The following FRS2 variants were observed in gnomAD, a reference collection of about 807,000 sequenced individuals.
The protein encoded by FRS2 is fibroblast growth factor receptor substrate 2.
A neutral mutation model predicts 43.9 loss-of-function variants in FRS2; 8 were observed. That is an observed-to-expected ratio of 0.18 (90% CI 0.11 to 0.33). The LOEUF (loss-of-function observed/expected upper bound fraction) is 0.33. FRS2 is among the 10% of genes least tolerant of loss of function. The pLI, the probability that FRS2 is intolerant of heterozygous loss-of-function variation, is 1.00. For synonymous variants in FRS2, 219 were observed against 220.3 expected (o/e 0.99, Z 0.05); for missense variants, 534 against 627.6 (o/e 0.85, Z 1.59).
At chr12:69,487,674 G>T (rs546721260) in intron 1 of FRS2, among the ~76,000 whole-genome samples, 1 of 152,264 alleles carries the variant, frequency 6.6e-6, no homozygotes, top group South Asian at 2.1e-4. Context: ...TATTGTTTAA[G>T]AAATACTATT....
Position 69,470,466 on chromosome 12 carries a change from G to C in FRS2, c.-325G>C, listed in dbSNP as rs928185830. On this transcript the variant is annotated 5_prime_UTR_variant, in exon 1 of 9. Transcript: ENST00000549921. ...GCTCCAAGTAGGGGCTCCAGCGCGG[G>C]TCGGAGTCTGGGGGTTCGCGCCCGC... 1.3e-5 allele frequency: 5 copies of C among 398,632 alleles called. No individual in the cohort carries two copies. In the East Asian group the frequency reaches 1.8e-4, roughly 14 times the overall value. 24.7% of individuals were successfully genotyped at this position (398,632 alleles called of 1,614,324 possible).
chr12:69,551,955 T>A (rs924279703), intron 3 of FRS2, among the ~76,000 whole-genome samples: 2 of 152,194 alleles, frequency 1.3e-5, no homozygotes, highest in Non-Finnish European at 2.9e-5. Flanking sequence ...AGTGGCATAT[T>A]ACAGTTAAAT....
intron 3 of FRS2, among the ~76,000 whole-genome samples, chr12:69,558,463 A>G (rs1011034814): frequency 1.3e-5 from 2 of 152,142 alleles, no homozygotes; most frequent in East Asian, 3.9e-4. Context: ...TTTCCTACCT[A>G]TCTCCTAATA....
At chr12:69,482,754 T>C (rs1455318683) in intron 1 of FRS2, among the ~76,000 whole-genome samples, 1 of 152,224 alleles carries the variant, frequency 6.6e-6, no homozygotes, top group Non-Finnish European at 1.5e-5. Context: ...CTTAATAAAT[T>C]ATGTAAGTAT....
At chr12:69,502,903 C>T (rs563579422) in intron 1 of FRS2, among the ~76,000 whole-genome samples, 19 of 152,234 alleles carry the variant, frequency 1.2e-4, no homozygotes, top group South Asian at 4.2e-4. Flanking sequence ...CAGCAGCTGC[C>T]GCCTACAGCC....
intron 3 of FRS2, among the ~76,000 whole-genome samples, chr12:69,550,045 A>G (rs796280639): frequency 6.6e-6 from 1 of 152,070 alleles, no homozygotes; most frequent in Non-Finnish European, 1.5e-5. Flanking sequence ...TCTCTCTCCC[A>G]TCTCCACACC....
intron 1 of FRS2, among the ~76,000 whole-genome samples, chr12:69,527,104 G>A (rs1395146810): frequency 1.3e-5 from 2 of 152,016 alleles, no homozygotes; most frequent in African/African-American, 4.8e-5. Flanking sequence ...TAAGTGTATG[G>A]AATAACAATC....
intron 1 of FRS2, among the ~76,000 whole-genome samples, chr12:69,497,321 G>C (rs1872997400): frequency 6.6e-6 from 1 of 152,176 alleles, no homozygotes; most frequent in Non-Finnish European, 1.5e-5. Context: ...AAATACCTTA[G>C]ACTGGGTAGC....
chr12:69,493,589 C>T (rs533413936), intron 1 of FRS2, among the ~76,000 whole-genome samples: 5 of 152,246 alleles, frequency 3.3e-5, no homozygotes, highest in East Asian at 1.9e-4. Context: ...GGCATGGTGG[C>T]GCATGCCTGT....
At chr12:69,482,022 TAAGTG>T (rs1268504172) in intron 1 of FRS2, among the ~76,000 whole-genome samples, 12 of 151,072 alleles carry the variant, frequency 7.9e-5, no homozygotes, top group Non-Finnish European at 1.6e-4. Flanking sequence ...TAGTGAAAAC[TAAGTG>T]TAGTAATAAT....
At chr12:69,570,608 T>C in intron 6 of FRS2, 91 bp downstream of exon 6, 1 of 773,644 alleles carries the variant, frequency 1.3e-6, no homozygotes, top group Non-Finnish European at 2.1e-6. Flanking sequence ...ATTTTTCTTC[T>C]GAAAAAAATC....
chr12:69,492,579 CAT>C (rs1371134006), intron 1 of FRS2, among the ~76,000 whole-genome samples: 2 of 152,104 alleles, frequency 1.3e-5, no homozygotes, highest in Admixed American at 6.5e-5. Flanking sequence ...TTAAAAATCT[CAT>C]ATATTTTTGG....
At chr12:69,530,173 ATAATAAT>A (rs1876650625) in intron 1 of FRS2, among the ~76,000 whole-genome samples, 4 of 146,432 alleles carry the variant, frequency 2.7e-5, no homozygotes, top group African/African-American at 1.1e-4. Flanking sequence ...ACAATTAATG[ATAATAAT>A]TGCTTACAAC....
At chr12:69,495,560 G>A (rs1346154660) in intron 1 of FRS2, among the ~76,000 whole-genome samples, 1 of 152,236 alleles carries the variant, frequency 6.6e-6, no homozygotes, top group East Asian at 1.9e-4. Flanking sequence ...TGGGTGGGTA[G>A]TTCTCTAGAA....
At chr12:69,507,310 AT>A (rs1015129580) in intron 1 of FRS2, among the ~76,000 whole-genome samples, 138 of 151,940 alleles carry the variant, frequency 9.1e-4, no homozygotes, top group African/African-American at 2.8e-3. Flanking sequence ...AATACTTGGC[AT>A]TTTTTTTGGT....
intron 1 of FRS2, among the ~76,000 whole-genome samples, chr12:69,474,183 C>G (rs1870560309): frequency 6.6e-6 from 1 of 152,100 alleles, no homozygotes; most frequent in Non-Finnish European, 1.5e-5. Flanking sequence ...GACGGTGGTA[C>G]TCTTACTAGA....
At chr12:69,479,390 C>CTTTTTTTTTTTTTTTTTTTTT (rs57688271) in intron 1 of FRS2, among the ~76,000 whole-genome samples, 5 of 119,700 alleles carry the variant, frequency 4.2e-5, no homozygotes, top group Admixed American at 8.6e-5. Flanking sequence ...TCTGTTGTTT[C>CTTTTTTTTTTTTTTTTTTTTT]TTTTTTTTTT....
chr12:69,513,915 A>G lies in FRS2; in HGVS notation c.-260-16950A>G, dbSNP rs1057226967. On this transcript the variant is annotated intron_variant, in intron 1 of 8. Transcript: ENST00000549921. ...CTTTGAAATAAATCTAAATCTGCCTAGATATTTCTCACTTTCTAAATTAAG... is the reference window on the plus strand; with the variant it reads ...CTTTGAAATAAATCTAAATCTGCCTGGATATTTCTCACTTTCTAAATTAAG... 3.9e-5 allele frequency among the ~76,000 whole-genome samples: 6 copies of G among 152,166 alleles called. No individual in the cohort carries two copies. In the East Asian group the frequency reaches 1.2e-3, roughly 29 times the overall value.
chr12:69,497,685 G>C (rs1873033204), intron 1 of FRS2, among the ~76,000 whole-genome samples: 1 of 152,214 alleles, frequency 6.6e-6, no homozygotes, highest in South Asian at 2.1e-4. Context: ...AAGAGCATGG[G>C]AGAGTGAGCC....
Sources: gnomAD v4.1 joint callset for allele counts (sites outside exome capture counted in the v4.1 genomes callset) on GRCh38, gnomAD v4.1.1 for gene constraint, MANE v1.5 for transcripts, NCBI Gene and HGNC (gene_info 2026-07-23, HGNC 2026-07-21) for gene names.